Variants in COL28A1 observed in about 807,000 individuals in gnomAD.
COL28A1 encodes the protein collagen alpha-1(XXVIII) chain.
A neutral mutation model predicts 150.2 loss-of-function variants in COL28A1; 161 were observed. That is an observed-to-expected ratio of 1.07 (90% confidence interval 0.94 to 1.22). The LOEUF (loss-of-function observed/expected upper bound fraction) is 1.22, where lower values mean the gene tolerates loss of function less well. COL28A1 is among the 50% of genes most tolerant of loss of function. The pLI, the probability that COL28A1 is intolerant of heterozygous loss-of-function variation, is 0.00. For missense variants in COL28A1, 1,617 were observed against 1,388.3 expected (o/e 1.16, Z -2.62); for synonymous variants, 552 against 469.7 (o/e 1.18, Z -2.26).
chr7:7,432,534 C>T lies in COL28A1; in HGVS notation c.1937G>A (p.Arg646His), dbSNP rs769722152. The part of the protein sequence containing the change: ...GDGYPGVPGP[R>H]GLPGPPGPMG... ...CGGCCCAGGGGGTCCTGGTAATCCA[C>T]GAGGTCCCTGAGATGACACAGTAAG... is the stretch of plus-strand genomic sequence containing the variant. The change falls in exon 25 of 35, where the codon CGT (arginine) becomes CAT (histidine). Residue 646 changes from arginine (R) to histidine (H), a missense_variant. By Grantham distance (29) the Arg-to-His change is conservative (BLOSUM62 0). Transcript: ENST00000399429. 1.5e-5 allele frequency: 24 copies of T among 1,613,880 alleles called. No individual in the cohort carries two copies. Among genetic ancestry groups the T allele is most frequent in the African/African-American group, 6.7e-5 (5 of 74,890 alleles).
At chr7:7,405,454 G>T (rs1297116750) in intron 27 of COL28A1, among the ~76,000 whole-genome samples, 1 of 152,174 alleles carries the variant, frequency 6.6e-6, no homozygotes, top group Non-Finnish European at 1.5e-5. Flanking sequence ...AAAACCAACA[G>T]AAGCCAGTTG....
At chr7:7,540,988 C>A in the COL28A1 span, among the ~76,000 whole-genome samples, 1 of 152,128 alleles carries the variant, frequency 6.6e-6, no homozygotes, top group South Asian at 2.1e-4. Context: ...AAACACAATA[C>A]CTACTTGGGT....
intron 13 of COL28A1, among the ~76,000 whole-genome samples, chr7:7,483,163 T>A (rs953851595): frequency 2.6e-5 from 4 of 152,174 alleles, no homozygotes; most frequent in Admixed American, 6.6e-5. Context: ...TACAATGGGC[T>A]TATGGTTTCT....
At position 7,490,496 on chromosome 7, in the gene COL28A1, A is replaced by T. The variant is rs556511479; in HGVS notation, c.1095+82T>A. 2.1e-3 allele frequency: 1,466 copies of T among 707,212 alleles called. 5 individuals carry two copies. The highest frequency in any genetic ancestry group is 3.3e-3 in the Non-Finnish European group (1,323 of 406,472). The allele number at this position is 707,212 out of a possible 1,614,324, so 43.8% of individuals were successfully genotyped here. ...TCCTTGTGTCTATTGGATTTAGGCC[A>T]AATGGAGTTCAAATCATGGCTCCCC... is the stretch of plus-strand genomic sequence containing the variant. On this transcript the variant is annotated intron_variant, in intron 12 of 34. Transcript: ENST00000399429.
intron 27 of COL28A1, among the ~76,000 whole-genome samples, chr7:7,390,379 C>A (rs1782467529): frequency 6.6e-6 from 1 of 152,156 alleles, no homozygotes; most frequent in African/African-American, 2.4e-5. Flanking sequence ...TGATGTGCTG[C>A]TGGATTCAGT....
the COL28A1 span, among the ~76,000 whole-genome samples, chr7:7,344,030 A>G: frequency 6.6e-6 from 1 of 151,926 alleles, no homozygotes; most frequent in Non-Finnish European, 1.5e-5. Flanking sequence ...AAAAAAAATA[A>G]AGGTGCAGGT....
chr7:7,355,949 T>C (rs1467141027), downstream of COL28A1, among the ~76,000 whole-genome samples: 2 of 152,182 alleles, frequency 1.3e-5, no homozygotes, highest in Non-Finnish European at 2.9e-5. Context: ...TAACTGATCA[T>C]AGATGAGGCA....
intron 13 of COL28A1, among the ~76,000 whole-genome samples, chr7:7,488,048 C>G (rs558830334): frequency 6.6e-6 from 1 of 152,292 alleles, no homozygotes; most frequent in African/African-American, 2.4e-5. Flanking sequence ...TTTTAGCACT[C>G]CATCTGACTT....
intron 11 of COL28A1, among the ~76,000 whole-genome samples, chr7:7,504,441 A>T (rs1000366876): frequency 2.0e-5 from 3 of 152,188 alleles, no homozygotes; most frequent in African/African-American, 4.8e-5. Flanking sequence ...TTCAAGTTGC[A>T]GTTGGTTATG....
intron 27 of COL28A1, among the ~76,000 whole-genome samples, chr7:7,400,421 C>T (rs904167541): frequency 1.2e-4 from 19 of 152,108 alleles, no homozygotes; most frequent in Middle Eastern, 3.2e-3. Flanking sequence ...GAAGGAGCCA[C>T]GAGCCAAGGA....
chr7:7,489,006 C>T (rs896993322), intron 13 of COL28A1, among the ~76,000 whole-genome samples: 4 of 152,002 alleles, frequency 2.6e-5, no homozygotes, highest in South Asian at 4.2e-4. Flanking sequence ...ATTTGTTGCT[C>T]GTAAAGATGC....
At chr7:7,388,812 G>A (rs1416112704) in intron 27 of COL28A1, among the ~76,000 whole-genome samples, 3 of 152,270 alleles carry the variant, frequency 2.0e-5, no homozygotes, top group African/African-American at 4.8e-5. Context: ...CTTTTGAGAA[G>A]TGTCTGTTCA....
At chr7:7,538,771 A>G (rs1187623595), upstream of COL28A1, among the ~76,000 whole-genome samples, 1 of 152,108 alleles carries the variant, frequency 6.6e-6, no homozygotes, top group East Asian at 1.9e-4. Context: ...TCAAAGTTAT[A>G]TATTTTGACC....
intron 14 of COL28A1, 121 bp downstream of exon 14, chr7:7,476,991 G>T: frequency 1.5e-6 from 1 of 657,190 alleles, no homozygotes; most frequent in Non-Finnish European, 2.7e-6. Context: ...TCATTAAATG[G>T]AATAAAGATG....
intron 25 of COL28A1, among the ~76,000 whole-genome samples, chr7:7,420,743 G>A (rs1440133486): frequency 6.6e-6 from 1 of 152,210 alleles, no homozygotes; most frequent in Non-Finnish European, 1.5e-5. Context: ...GACAAAGCTT[G>A]TAAGTGTTTC....
At chr7:7,493,779 G>A (rs1475301591) in intron 11 of COL28A1, among the ~76,000 whole-genome samples, 1 of 151,972 alleles carries the variant, frequency 6.6e-6, no homozygotes, top group East Asian at 1.9e-4. Context: ...CAGCACTCTA[G>A]TCAGAATAGC....
Position 7,399,047 on chromosome 7 carries a change from G to A in COL28A1, c.2137-17435C>T, listed in dbSNP as rs1157594653. On this transcript the variant is annotated intron_variant, in intron 27 of 34. Coordinates refer to ENST00000399429, the MANE Select transcript of COL28A1 (RefSeq NM_001037763.3). ...TTCTCTAGTCCACAGTCTCAGCCCT[G>A]TCTCTTAGATCCAGGTGTAACTTCA... 2.0e-5 allele frequency among the ~76,000 whole-genome samples: 3 copies of A among 152,166 alleles called. No individual in the cohort carries two copies. The East Asian group carries it at 5.8e-4, about 29-fold the overall frequency.
chr7:7,376,733 C>CACAA (rs1487128842), intron 30 of COL28A1, among the ~76,000 whole-genome samples: 4 of 100,300 alleles, frequency 4.0e-5, no homozygotes, highest in African/African-American at 7.6e-5. Context: ...AGAAAATACA[C>CACAA]CAAGTTTTAT....
At chr7:7,460,915 G>C (rs966069558) in intron 15 of COL28A1, among the ~76,000 whole-genome samples, 2 of 152,146 alleles carry the variant, frequency 1.3e-5, no homozygotes, top group African/African-American at 4.8e-5. Context: ...GGCAGGACTA[G>C]ATCGCAGCTC....
Sources: gnomAD v4.1 joint callset for allele counts (sites outside exome capture counted in the v4.1 genomes callset) on GRCh38, gnomAD v4.1.1 for gene constraint, MANE v1.5 for transcripts, NCBI Gene and HGNC (gene_info 2026-07-23, HGNC 2026-07-21) for gene names.